Variants in RGPD4 observed in about 807,000 individuals in gnomAD.
The protein encoded by RGPD4 is RANBP2 like and GRIP domain containing 4, also known as ranBP2-like and GRIP domain-containing protein 4.
A neutral mutation model predicts 141.1 loss-of-function variants in RGPD4; 84 were observed. The observed-to-expected ratio is 0.60, with a 90% CI of 0.50 to 0.71. RGPD4 has a LOEUF of 0.71. Ranked by LOEUF, RGPD4 falls within the 30% of genes least tolerant of loss-of-function variation. The probability of loss-of-function intolerance (pLI) is 0.00; values close to 1 mark genes in which losing one functional copy is unlikely to be tolerated. For missense variants in RGPD4, 918 were observed against 1,622.4 expected (o/e 0.57, Z 7.46); for synonymous variants, 298 against 566.8 (o/e 0.53, Z 6.74).
intron 20 of RGPD4, among the ~76,000 whole-genome samples, chr2:107,878,634 G>A (rs561933749): frequency 3.0e-5 from 4 of 132,380 alleles, no homozygotes; most frequent in African/African-American, 1.1e-4. Context: ...TCTCTAGAGG[G>A]ACAGAGCTAA....
intron 1 of RGPD4, among the ~76,000 whole-genome samples, chr2:107,834,054 G>T (rs1247060432): frequency 6.6e-6 from 1 of 150,770 alleles, no homozygotes; most frequent in Admixed American, 6.6e-5. Flanking sequence ...TATACGTGCT[G>T]TCCTGACTGT....
chr2:107,831,668 C>A (rs1371151947), intron 1 of RGPD4, among the ~76,000 whole-genome samples: 1 of 137,186 alleles, frequency 7.3e-6, no homozygotes, highest in Non-Finnish European at 1.6e-5. Flanking sequence ...CTCTGCCTCC[C>A]GGGTTCACAC....
Position 107,878,471 on chromosome 2 carries a change from C to A in RGPD4, c.4925-1497C>A, listed in dbSNP as rs538128195. On this transcript the variant is annotated intron_variant, in intron 20 of 22. Transcript: ENST00000408999. ...TCTTTAGAGCAGCTGCTTAATTCTCCCGAAACTAAACTTGGTCTGTTACTC... is the reference window on the plus strand; with the variant it reads ...TCTTTAGAGCAGCTGCTTAATTCTCACGAAACTAAACTTGGTCTGTTACTC... Among the ~76,000 whole-genome samples, 19 of 151,574 alleles carry A rather than the reference C, an allele frequency of 1.3e-4. No homozygotes were observed. The South Asian group carries it at 4.0e-3, about 32-fold the overall frequency.
In RGPD4 at chr2:107,870,967, A is replaced by C. The variant is rs2104489958; in HGVS notation, c.2963A>C (p.Lys988Thr). 1 of 1,610,336 alleles carries C rather than the reference A, an allele frequency of 6.2e-7. No homozygotes were observed. Among genetic ancestry groups the C allele is most frequent in the South Asian group, 1.1e-5 (1 of 90,920 alleles). The change falls in exon 20 of 23, where the codon AAA (lysine) becomes ACA (threonine). Residue 988 changes from lysine (K) to threonine (T), a missense_variant. Transcript: ENST00000408999. The part of the protein sequence containing the change: ...STSGEGFQFG[K>T]KDPNFKGFSG... ...TCAGGAGAAGGATTTCAGTTTGGCA[A>C]AAAAGACCCCAATTTCAAGGGATTT...
At chr2:107,847,228 G>A in intron 6 of RGPD4, among the ~76,000 whole-genome samples, 1 of 145,528 alleles carries the variant, frequency 6.9e-6, no homozygotes, top group Non-Finnish European at 1.5e-5. Flanking sequence ...GTGACAGAGT[G>A]AGATTCTGTC....
At chr2:107,870,176 G>C (rs1682856456) in intron 19 of RGPD4, among the ~76,000 whole-genome samples, 199 bp downstream of exon 19, 2 of 149,162 alleles carry the variant, frequency 1.3e-5, no homozygotes, top group African/African-American at 2.5e-5. Context: ...TGAATATTTA[G>C]AATATTTTAA....
Position 107,870,786 on chromosome 2 carries a change from T to C in RGPD4, c.2782T>C (p.Ser928Pro), listed in dbSNP as rs761133961. 6.2e-7 allele frequency: 1 copy of C among 1,608,348 alleles called. No homozygotes were observed. Among genetic ancestry groups the C allele is most frequent in the African/African-American group, 1.3e-5 (1 of 74,200 alleles). Reference sequence around the variant, plus strand: ...TGCTGATGGATTTAAATTTGGCATTTCGGAACCAGGAAATCAAGAAAAGGA... The same window carrying C: ...TGCTGATGGATTTAAATTTGGCATTCCGGAACCAGGAAATCAAGAAAAGGA... Reference protein sequence around the residue: ...VSADGFKFGISEPGNQEKESE... With the variant: ...VSADGFKFGIPEPGNQEKESE... Residue 928 changes from serine (S) to proline (P), a missense_variant, in exon 20 of 23, where the codon TCG becomes CCG. Transcript: ENST00000408999.
rs1056809999 is a variant in RGPD4, at chr2:107,882,831, C to G, written c.5224C>G (p.Leu1742Val). ...TCCTGTTATAAATACGATGTTGCAG[C>G]TCAGCCCTGAAGAAAAGGGAAAACT... ...LLPVINTMLQ[L>V]SPEEKGKLAA... Residue 1742 changes from leucine (L) to valine (V), a missense_variant, in exon 22 of 23, where the codon CTC becomes GTC. Physicochemically the swap from Leu to Val is conservative, Grantham distance 32. Transcript: ENST00000408999. 6.2e-7 allele frequency: 1 copy of G among 1,610,580 alleles called. No homozygotes were observed. The highest frequency in any genetic ancestry group is 8.5e-7 in the Non-Finnish European group (1 of 1,179,600).
Position 107,885,663 on chromosome 2 carries a change from C to T in RGPD4, c.5266+2790C>T, listed in dbSNP as rs548900384. On this transcript the variant is annotated intron_variant, in intron 22 of 22. Transcript: ENST00000408999. ...CCTTTAAAGATTATTTACTACTTGT[C>T]TCTTATCAATGTGAGTACATAAAAG... Among the ~76,000 whole-genome samples the T allele has an allele frequency of 2.7e-4, 41 of 152,258 alleles. No homozygotes were observed. The South Asian group carries it at 7.2e-3, about 27-fold the overall frequency.
Position 107,859,902 on chromosome 2 carries a change from T to G in RGPD4, c.1758+57T>G, listed in dbSNP as rs1573502050. 9 of 1,537,672 alleles carry G rather than the reference T, an allele frequency of 5.9e-6. 1 individual carries two copies. Among genetic ancestry groups the G allele is most frequent in the Non-Finnish European group, 8.7e-7 (1 of 1,151,126 alleles). On this transcript the variant is annotated intron_variant, in intron 12 of 22. Transcript: ENST00000408999. ...ACATTACCTTAATTTTTTAAAATCA[T>G]GAACTTTTTATTGAAAGTTTTTTTG... is the stretch of plus-strand genomic sequence containing the variant.
intron 1 of RGPD4, among the ~76,000 whole-genome samples, chr2:107,829,760 C>G (rs1214618705): frequency 6.6e-6 from 1 of 152,126 alleles, no homozygotes; most frequent in African/African-American, 2.4e-5. Context: ...CGCTTGTTCC[C>G]GACGGTGCTC....
At chr2:107,858,563 C>T (rs1454925392) in intron 9 of RGPD4, among the ~76,000 whole-genome samples, 2 of 152,232 alleles carry the variant, frequency 1.3e-5, no homozygotes, top group Non-Finnish European at 2.9e-5. Context: ...CTCAGCCTCC[C>T]ACGTAGCTGG....
intron 7 of RGPD4, among the ~76,000 whole-genome samples, chr2:107,852,325 A>G (rs2119715): frequency 1.1e-3 from 166 of 152,080 alleles, no homozygotes; most frequent in South Asian, 6.4e-3. Flanking sequence ...ACTGGTCACA[A>G]ATTCAACTGT....
chr2:107,849,667 A>G (rs1480216162), intron 7 of RGPD4, among the ~76,000 whole-genome samples: 4 of 77,614 alleles, frequency 5.2e-5, no homozygotes, highest in Admixed American at 1.3e-4. Context: ...CACCATGCCC[A>G]GCCTTTTTTT....
At chr2:107,831,286 C>T (rs1273161993) in intron 1 of RGPD4, among the ~76,000 whole-genome samples, 4 of 149,490 alleles carry the variant, frequency 2.7e-5, no homozygotes. Flanking sequence ...TCTTATTCTG[C>T]AGCTGATTCC....
intron 7 of RGPD4, among the ~76,000 whole-genome samples, chr2:107,854,212 C>A (rs541485573): frequency 2.9e-5 from 4 of 139,628 alleles, no homozygotes; most frequent in African/African-American, 8.4e-5. Context: ...TGTGCCACCA[C>A]GCCTGGCTCT....
rs370306958 is a variant in RGPD4, at chr2:107,890,741, C to G, written c.*10C>G. 140 of 1,602,246 alleles carry G rather than the reference C, an allele frequency of 8.7e-5. No individual in the cohort carries two copies. Among genetic ancestry groups the G allele is most frequent in the Non-Finnish European group, 1.1e-4 (133 of 1,176,800 alleles). On this transcript the variant is annotated 3_prime_UTR_variant, in exon 23 of 23. Coordinates refer to ENST00000408999, the MANE Select transcript of RGPD4 (RefSeq NM_182588.3). ...CAAAGGTGAGGAATAAAATGCTTCC[C>G]GTTCTTCTGGATGGGCATCCTATCT... is the stretch of plus-strand genomic sequence containing the variant.
intron 1 of RGPD4, among the ~76,000 whole-genome samples, chr2:107,830,085 T>C (rs1178599948): frequency 2.0e-5 from 3 of 151,412 alleles, no homozygotes; most frequent in Non-Finnish European, 4.4e-5. Context: ...TTTGTCGCTG[T>C]CCCTTTGTAA....
chr2:107,849,136 C>T (rs1459216833), intron 7 of RGPD4, among the ~76,000 whole-genome samples: 2 of 77,108 alleles, frequency 2.6e-5, no homozygotes, highest in African/African-American at 1.2e-4. Flanking sequence ...CTCACTGCAG[C>T]CTCCACCTCC....
Sources: gnomAD v4.1 joint callset for allele counts (sites outside exome capture counted in the v4.1 genomes callset) on GRCh38, gnomAD v4.1.1 for gene constraint, MANE v1.5 for transcripts, NCBI Gene and HGNC (gene_info 2026-07-23, HGNC 2026-07-21) for gene names.